The following DDC variants were observed in gnomAD, a reference collection of about 807,000 sequenced individuals.
The protein encoded by DDC is dopa decarboxylase, also known as aromatic-L-amino-acid decarboxylase.
A neutral mutation model predicts 60.0 loss-of-function variants in DDC; 43 were observed. The ratio of observed to expected loss-of-function variants is 0.72; its 90% CI spans 0.56 to 0.92. DDC has a LOEUF of 0.92. Ranked by LOEUF, DDC falls within the 40% of genes least tolerant of loss-of-function variation. DDC has a pLI of 0.00. For synonymous variants in DDC, 232 were observed against 234.6 expected (o/e 0.99, Z 0.10); for missense variants, 573 against 620.2 (o/e 0.92, Z 0.81).
At chr7:50,524,378 G>A (rs1446826372) in intron 6 of DDC, among the ~76,000 whole-genome samples, 2 of 152,134 alleles carry the variant, frequency 1.3e-5, no homozygotes, top group Non-Finnish European at 2.9e-5. Context: ...CTAATAATGG[G>A]GGAAATGAAG....
intron 1 of DDC, chr7:50,564,472 G>A (rs943588018): frequency 4.6e-5 from 7 of 152,248 alleles, no homozygotes; most frequent in East Asian, 1.9e-4. Context: ...TGGAGGTGAA[G>A]AAGGCAAACC....
In DDC at chr7:50,508,157, A is replaced by T. The variant is rs531372932; in HGVS notation, c.715-4098T>A. Among the ~76,000 whole-genome samples the T allele has an allele frequency of 2.6e-5, 4 of 152,324 alleles. No individual in the cohort carries two copies. In the East Asian group the frequency reaches 7.7e-4, roughly 29 times the overall value. On this transcript the variant is annotated intron_variant, in intron 6 of 14. Coordinates refer to ENST00000444124, the MANE Select transcript of DDC (RefSeq NM_001082971.2). ...GAGGAGGCCTGGGGGCTGCAAGGAC[A>T]GTGTTCTAAGTGGCTTGTCTACGTG... is the stretch of plus-strand genomic sequence containing the variant.
chr7:50,474,732 T>C (rs1431763734), intron 11 of DDC, among the ~76,000 whole-genome samples: 1 of 152,224 alleles, frequency 6.6e-6, no homozygotes, highest in Non-Finnish European at 1.5e-5. Flanking sequence ...CCAGAGGACT[T>C]GTTAGTCAAT....
At chr7:50,540,136 C>T (rs1029039563) in intron 2 of DDC, 108 bp from the exon 3 acceptor site, 1 of 804,342 alleles carries the variant, frequency 1.2e-6, no homozygotes, top group African/African-American at 1.7e-5. Flanking sequence ...GCAGCCAGAC[C>T]CAGAGTTAGG....
At chr7:50,490,448 A>G (rs2042974750) in intron 9 of DDC, among the ~76,000 whole-genome samples, 1 of 152,216 alleles carries the variant, frequency 6.6e-6, no homozygotes, top group African/African-American at 2.4e-5. Context: ...AGGTGGGTGG[A>G]TCATGAGGTC....
chr7:50,521,615 T>C (rs2043892560), intron 6 of DDC, among the ~76,000 whole-genome samples: 1 of 152,104 alleles, frequency 6.6e-6, no homozygotes, highest in East Asian at 1.9e-4. Flanking sequence ...CATAGAAAAA[T>C]AAATTAATAT....
intron 1 of DDC, among the ~76,000 whole-genome samples, chr7:50,545,290 A>G (rs1047397742): frequency 6.6e-6 from 1 of 152,176 alleles, no homozygotes; most frequent in African/African-American, 2.4e-5. Flanking sequence ...ATATTTATTG[A>G]CATTGGGGGT....
chr7:50,494,356 A>C (rs1458167599), intron 9 of DDC, among the ~76,000 whole-genome samples: 2 of 151,990 alleles, frequency 1.3e-5, no homozygotes. Flanking sequence ...AAATACAAAA[A>C]ATTAGCCGGG....
chr7:50,463,308 C>T lies in DDC; in HGVS notation c.1366G>A (p.Glu456Lys). Residue 456 changes from glutamate to lysine, a missense_variant, in exon 14 of 15, where the codon GAA becomes AAA. Physicochemically the swap from Glu to Lys is moderately conservative, Grantham distance 56 (BLOSUM62 1). Coordinates refer to ENST00000444124, the MANE Select transcript of DDC (RefSeq NM_001082971.2). ...LRFAICSRTV[E>K]SAHVQRAWEH... ...CAGGCCCGCTGCACATGGGCAGATT[C>T]CACCGTGCGAGAACAGATGGCAAAG... 1 of 1,614,244 alleles carries T rather than the reference C, an allele frequency of 6.2e-7. No individual in the cohort carries two copies. The highest frequency in any genetic ancestry group is 8.5e-7 in the Non-Finnish European group (1 of 1,180,050).
chr7:50,546,378 C>T (rs1349491), intron 1 of DDC, among the ~76,000 whole-genome samples: 13,608 of 152,122 alleles, frequency 0.089, 960 homozygotes, highest in South Asian at 0.15. Flanking sequence ...TTACAGCCAA[C>T]GGTCAGGTGA....
At chr7:50,541,071 G>A (rs1416679820) in intron 2 of DDC, among the ~76,000 whole-genome samples, 2 of 152,234 alleles carry the variant, frequency 1.3e-5, no homozygotes, top group Non-Finnish European at 2.9e-5. Context: ...CAGCCCCTGT[G>A]CATGGAGAAG....
intron 7 of DDC, among the ~76,000 whole-genome samples, chr7:50,502,890 C>A (rs1264850393): frequency 6.6e-6 from 1 of 152,198 alleles, no homozygotes; most frequent in East Asian, 1.9e-4. Flanking sequence ...AAATGAAGCT[C>A]AGAATGTAAG....
chr7:50,537,818 G>A, intron 4 of DDC, 42 bp downstream of exon 4: 4 of 1,613,424 alleles, frequency 2.5e-6, no homozygotes, highest in Non-Finnish European at 3.4e-6. Context: ...CCTGTGCAGA[G>A]CCCATGCATC....
chr7:50,522,927 C>A (rs2043938659), intron 6 of DDC, among the ~76,000 whole-genome samples: 1 of 152,122 alleles, frequency 6.6e-6, no homozygotes, highest in Non-Finnish European at 1.5e-5. Context: ...GGGAGAGGTG[C>A]TACACACTGT....
chr7:50,558,080 C>A (rs1020221643), intron 1 of DDC, among the ~76,000 whole-genome samples: 1 of 88,962 alleles, frequency 1.1e-5, no homozygotes, highest in Non-Finnish European at 2.6e-5. Context: ...AGAAATCACC[C>A]CCCCCCTTAC....
chr7:50,529,703 T>C (rs1386366766), intron 4 of DDC, among the ~76,000 whole-genome samples: 2 of 152,218 alleles, frequency 1.3e-5, no homozygotes, highest in Non-Finnish European at 2.9e-5. Context: ...GGCACCAGCA[T>C]GCAAGCCTGA....
At chr7:50,518,198 C>T (rs1008188615) in intron 6 of DDC, among the ~76,000 whole-genome samples, 12 of 130,424 alleles carry the variant, frequency 9.2e-5, no homozygotes, top group Admixed American at 2.4e-4. Context: ...GGTGACAGAG[C>T]GAGACTCCAT....
chr7:50,536,067 T>C (rs2044399545), intron 4 of DDC, among the ~76,000 whole-genome samples: 1 of 152,186 alleles, frequency 6.6e-6, no homozygotes, highest in Admixed American at 6.5e-5. Context: ...CTAAAAGAGA[T>C]AGCTACTAAG....
intron 10 of DDC, among the ~76,000 whole-genome samples, chr7:50,478,227 G>A (rs1463694771): frequency 1.3e-5 from 2 of 150,530 alleles, no homozygotes; most frequent in African/African-American, 2.5e-5. Flanking sequence ...AAAAAAAATT[G>A]TCAAAGAACC....
Sources: gnomAD v4.1 joint callset for allele counts (sites outside exome capture counted in the v4.1 genomes callset) on GRCh38, gnomAD v4.1.1 for gene constraint, MANE v1.5 for transcripts, NCBI Gene and HGNC (gene_info 2026-07-23, HGNC 2026-07-21) for gene names.